ACBD7: variants seen among roughly 807,000 people sequenced by gnomAD.
ACBD7 encodes acyl-CoA-binding domain-containing protein 7.
In ACBD7, 11 loss-of-function variants were observed where a neutral mutation model predicts 13.7. That is an observed-to-expected ratio of 0.80 (90% CI 0.50 to 1.33). The LOEUF is 1.33. Ranked by LOEUF, ACBD7 falls within the 40% of genes most tolerant of loss-of-function variation. ACBD7 has a pLI of 0.00. For missense variants in ACBD7, 111 were observed against 103.0 expected (o/e 1.08, Z -0.33); for synonymous variants, 43 against 37.7 (o/e 1.14, Z -0.51).
chr10:15,084,574 C>CT (rs1418475290), intron 1 of ACBD7, among the ~76,000 whole-genome samples: 2 of 152,174 alleles, frequency 1.3e-5, no homozygotes, highest in African/African-American at 4.8e-5. Flanking sequence ...CACAGGGACT[C>CT]AAGATCCCTG....
At chr10:15,087,019 A>C (rs1473588201) in intron 1 of ACBD7, among the ~76,000 whole-genome samples, 3 of 151,478 alleles carry the variant, frequency 2.0e-5, no homozygotes, top group Non-Finnish European at 2.9e-5. Context: ...ATCTCAAAAA[A>C]AAAAAAAAAA....
In ACBD7 at chr10:15,078,889, A is replaced by T. The variant is rs916648553; in HGVS notation, c.130+34T>A. 9 of 1,209,704 alleles carry T rather than the reference A, an allele frequency of 7.4e-6. No homozygotes were observed. In the African/African-American group the frequency reaches 9.5e-5, roughly 13 times the overall value. The allele number at this position is 1,209,704 out of a possible 1,614,324, so 74.9% of individuals were successfully genotyped here. Reference sequence around the variant, plus strand: ...TCGCAATTAATATATTAATTGTAACATATGAATATATTAATATTAATAATA... The same window carrying T: ...TCGCAATTAATATATTAATTGTAACTTATGAATATATTAATATTAATAATA... On this transcript the variant is annotated intron_variant, in intron 2 of 3. Transcript: ENST00000356189.
chr10:15,080,924 A>C (rs1389869353), intron 1 of ACBD7, among the ~76,000 whole-genome samples: 2 of 152,180 alleles, frequency 1.3e-5, no homozygotes, highest in African/African-American at 4.8e-5. Flanking sequence ...GGGGAAGTTC[A>C]AGGACATATG....
Position 15,077,013 on chromosome 10 carries a change from G to A in ACBD7, c.*1517C>T, listed in dbSNP as rs1419386374. ...GAATGTAAATTAGTACAACCTCTAT[G>A]AAAAACAGCACGGAAATTTCTCATG... On this transcript the variant is annotated 3_prime_UTR_variant, in exon 4 of 4. Coordinates refer to ENST00000356189, the MANE Select transcript of ACBD7 (RefSeq NM_001039844.3). 1.2e-6 allele frequency: 1 copy of A among 827,558 alleles called. No homozygotes were observed. The highest frequency in any genetic ancestry group is 1.5e-6 in the Non-Finnish European group (1 of 686,178). The allele number at this position is 827,558 out of a possible 1,614,324, so 51.3% of individuals were successfully genotyped here. A position where few individuals can be genotyped will look rare whatever the true frequency, so the allele number is the denominator to read the frequency against.
At chr10:15,079,767 C>A (rs950652750) in intron 1 of ACBD7, among the ~76,000 whole-genome samples, 1 of 151,180 alleles carries the variant, frequency 6.6e-6, no homozygotes, top group Non-Finnish European at 1.5e-5. Flanking sequence ...TTAGTAGACA[C>A]GGGGTTTAAC....
intron 1 of ACBD7, among the ~76,000 whole-genome samples, chr10:15,083,258 G>A (rs1844770643): frequency 6.6e-6 from 1 of 152,134 alleles, no homozygotes; most frequent in Non-Finnish European, 1.5e-5. Context: ...CCTGCCTTAA[G>A]GGGCTGTTCT....
rs986995705 is a variant in ACBD7 at position 15,076,135 on chromosome 10, C to T, written c.*2395G>A. Reference sequence around the variant, plus strand: ...GTTGTTGTAGTAACATGAAGTGGATCTATTCCTCTGGTCATACCATTCCAA... The same window carrying T: ...GTTGTTGTAGTAACATGAAGTGGATTTATTCCTCTGGTCATACCATTCCAA... On this transcript the variant is annotated 3_prime_UTR_variant, in exon 4 of 4. Transcript: ENST00000356189. 1.2e-5 allele frequency: 12 copies of T among 985,214 alleles called. No individual in the cohort carries two copies. Among genetic ancestry groups the T allele is most frequent in the African/African-American group, 1.7e-5 (1 of 57,224 alleles). The allele number at this position is 985,214 out of a possible 1,614,324, so 61.0% of individuals were successfully genotyped here.
intron 1 of ACBD7, among the ~76,000 whole-genome samples, chr10:15,080,194 A>G (rs949137725): frequency 6.6e-6 from 1 of 152,104 alleles, no homozygotes; most frequent in South Asian, 2.1e-4. Context: ...AGAAAAGAGG[A>G]GTTGTTTAGC....
chr10:15,078,387 G>A lies in ACBD7; in HGVS notation c.*143C>T. 1.3e-6 allele frequency: 2 copies of A among 1,520,286 alleles called. No individual in the cohort carries two copies. The highest frequency in any genetic ancestry group is 1.8e-6 in the Non-Finnish European group (2 of 1,142,682). The allele number at this position is 1,520,286 out of a possible 1,614,324, so 94.2% of individuals were successfully genotyped here. ...CAATTGAGTTAACTATGTAGTTTCA[G>A]TATACTTCTAAGTACTACAGCTCAT... On this transcript the variant is annotated 3_prime_UTR_variant, in exon 4 of 4. Coordinates refer to ENST00000356189, the MANE Select transcript of ACBD7 (RefSeq NM_001039844.3).
intron 1 of ACBD7, among the ~76,000 whole-genome samples, chr10:15,079,703 C>G (rs1051929798): frequency 1.3e-5 from 2 of 151,758 alleles, no homozygotes; most frequent in Non-Finnish European, 2.9e-5. Flanking sequence ...CTCAGCCTCC[C>G]GAGTAGCTGG....
intron 2 of ACBD7, 69 bp downstream of exon 2, chr10:15,078,854 T>C: frequency 7.9e-7 from 1 of 1,267,384 alleles, no homozygotes; most frequent in Non-Finnish European, 1.0e-6. Flanking sequence ...TAAGTAATTA[T>C]ATATTATAAT....
At chr10:15,086,940 A>T (rs940173933) in intron 1 of ACBD7, among the ~76,000 whole-genome samples, 1 of 151,478 alleles carries the variant, frequency 6.6e-6, no homozygotes, top group Non-Finnish European at 1.5e-5. Context: ...TTGAACCCAG[A>T]AGGTGGAGGT....
chr10:15,081,202 C>T (rs1844745746), intron 1 of ACBD7, among the ~76,000 whole-genome samples: 1 of 145,562 alleles, frequency 6.9e-6, no homozygotes, highest in Non-Finnish European at 1.5e-5. Context: ...GCAGAAAGAG[C>T]AAGTGCCCTC....
rs1844713229 is a variant in ACBD7 at position 15,078,770 on chromosome 10, A to G, written c.131-17T>C. 4 of 1,613,028 alleles carry G rather than the reference A, an allele frequency of 2.5e-6. No individual in the cohort carries two copies. Among genetic ancestry groups the G allele is most frequent in the Non-Finnish European group, 3.4e-6 (4 of 1,179,472 alleles). ...CTGGACACGCTGGCAAAAGAAGGAGACATGCATTTGCAGGTTAACATTTTA... is the reference window on the plus strand; with the variant it reads ...CTGGACACGCTGGCAAAAGAAGGAGGCATGCATTTGCAGGTTAACATTTTA... On this transcript the variant is annotated splice_polypyrimidine_tract_variant and intron_variant, in intron 2 of 3. Coordinates refer to ENST00000356189, the MANE Select transcript of ACBD7 (RefSeq NM_001039844.3).
Position 15,076,711 on chromosome 10 carries a change from T to G in ACBD7, c.*1819A>C, listed in dbSNP as rs1844686308. ...TAGAGATGGGGTTTTGCAATGTTGG[T>G]CAGGCTGGTCTCGAACTTCTGACCT... On this transcript the variant is annotated 3_prime_UTR_variant, in exon 4 of 4. Coordinates refer to ENST00000356189, the MANE Select transcript of ACBD7 (RefSeq NM_001039844.3). 2.3e-6 allele frequency: 2 copies of G among 856,748 alleles called. No individual in the cohort carries two copies. The highest frequency in any genetic ancestry group is 2.8e-6 in the Non-Finnish European group (2 of 713,142). The allele number at this position is 856,748 out of a possible 1,614,324, so 53.1% of individuals were successfully genotyped here.
intron 1 of ACBD7, 40 bp downstream of exon 1, chr10:15,088,677 G>A (rs777281216): frequency 4.4e-6 from 7 of 1,590,730 alleles, no homozygotes; most frequent in Middle Eastern, 1.7e-4. Flanking sequence ...CTCCCCTCGC[G>A]GAGCGCCCCT....
chr10:15,080,603 T>C (rs544088221), intron 1 of ACBD7, among the ~76,000 whole-genome samples: 4 of 151,970 alleles, frequency 2.6e-5, no homozygotes, highest in Admixed American at 2.0e-4. Context: ...AAAAACCAAA[T>C]GTACTTAAGT....
In ACBD7 at chr10:15,075,791, T is replaced by G. The variant is rs1441005922; in HGVS notation, c.*2739A>C. Among the ~76,000 whole-genome samples, 1 of 151,936 alleles carries G rather than the reference T, an allele frequency of 6.6e-6. No homozygotes were observed. The highest frequency in any genetic ancestry group is 2.4e-5 in the African/African-American group (1 of 41,372). On this transcript the variant is annotated 3_prime_UTR_variant, in exon 4 of 4. Coordinates refer to ENST00000356189, the MANE Select transcript of ACBD7 (RefSeq NM_001039844.3). ...GAGTTCCAGACCAGCCTGGGCAACATGGTGAAACCCTGTCTCTATGAAAAA... is the reference window on the plus strand; with the variant it reads ...GAGTTCCAGACCAGCCTGGGCAACAGGGTGAAACCCTGTCTCTATGAAAAA...
At chr10:15,079,590 T>C (rs1409050244) in intron 1 of ACBD7, among the ~76,000 whole-genome samples, 3 of 151,778 alleles carry the variant, frequency 2.0e-5, no homozygotes, top group Non-Finnish European at 2.9e-5. Context: ...TTTGCTTTTT[T>C]TTTTTTGAGA....
Sources: allele counts gnomAD v4.1 joint callset (sites outside exome capture counted in the v4.1 genomes callset), GRCh38; gene constraint gnomAD v4.1.1; transcripts MANE v1.5; gene names NCBI Gene and HGNC (gene_info 2026-07-23, HGNC 2026-07-21).